The following NTN5 variants were observed in gnomAD, a reference collection of about 807,000 sequenced individuals.
NTN5 encodes the protein netrin 5, also known as netrin-5.
NTN5 carries 42 observed loss-of-function variants against 38.7 expected under a neutral mutation model. The ratio of observed to expected loss-of-function variants is 1.08; its 90% confidence interval spans 0.85 to 1.40. The LOEUF (loss-of-function observed/expected upper bound fraction) is 1.40. NTN5 is among the 40% of genes most tolerant of loss of function. NTN5 has a pLI of 0.00. For synonymous variants in NTN5, 329 were observed against 303.9 expected (o/e 1.08, Z -0.86); for missense variants, 658 against 716.5 (o/e 0.92, Z 0.93).
At chr19:48,667,280 C>T (rs965312174) in intron 2 of NTN5, 1 of 219,588 alleles carries the variant, frequency 4.6e-6, no homozygotes, top group African/African-American at 2.3e-5. Context: ...ATAGCTCTGC[C>T]ACAGGCATTA....
chr19:48,663,510 T>G lies in NTN5; in HGVS notation c.1058A>C (p.Asp353Ala). The G allele has an allele frequency of 6.2e-7, 1 of 1,614,192 alleles. No individual in the cohort carries two copies. The highest frequency in any genetic ancestry group is 1.3e-5 in the African/African-American group (1 of 75,056). Residue 353 changes from aspartate to alanine, a missense_variant, in exon 6 of 7, where the codon GAC (aspartate) becomes GCC (alanine). Transcript: ENST00000270235. The stretch of plus-strand genomic sequence containing the variant: ...CCGAAGGCTCATGTGTACCCTGGTG[T>G]CCGACATATTGCAGTAGTTTTGACA... Reference protein sequence around the residue: ...PQCQNYCNMSDTRVHMSLRRY... With the variant: ...PQCQNYCNMSATRVHMSLRRY...
At chr19:48,667,122 T>A (rs1488302793) in intron 2 of NTN5, among the ~76,000 whole-genome samples, 1 of 152,142 alleles carries the variant, frequency 6.6e-6, no homozygotes, top group Non-Finnish European at 1.5e-5. Flanking sequence ...TTTGTGGGCA[T>A]TCAAAGTGGC....
Position 48,664,709 on chromosome 19 carries a change from C to G in NTN5, c.690G>C (p.Leu230=). 1 of 1,603,070 alleles carries G rather than the reference C, an allele frequency of 6.2e-7. No homozygotes were observed. Among genetic ancestry groups the G allele is most frequent in the South Asian group, 1.1e-5 (1 of 89,586 alleles). The change falls in exon 3 of 7, where the codon CTG becomes CTC. Residue 230 remains leucine, a synonymous_variant. Coordinates refer to ENST00000270235, the MANE Select transcript of NTN5 (RefSeq NM_145807.4). ...AAACACCCCCACTCCGGCCGCCCGA[C>G]AGTCTGAACAGCTCAGAGTTGAACC... is the stretch of plus-strand genomic sequence containing the variant. ...RCRFNSELFR[L]SGGRSGGVCE...
In NTN5 at chr19:48,670,855, AG is replaced by A; in HGVS notation, c.131del (p.Pro44LeufsTer22). 1 of 1,611,984 alleles carries A rather than the reference AG, an allele frequency of 6.2e-7. No individual in the cohort carries two copies. Among genetic ancestry groups the A allele is most frequent in the Non-Finnish European group, 8.5e-7 (1 of 1,179,454 alleles). On this transcript the variant is annotated frameshift_variant, in exon 2 of 7. Coordinates refer to ENST00000270235, the MANE Select transcript of NTN5 (RefSeq NM_145807.4). LOFTEE classifies it high-confidence loss of function. ...TQLAAVAASCPQACALSPGNH... is the reference protein window; with the variant it reads ...TQLAAVAASCXQACALSPGNH... ...TTCCTGGGGACAGGGCACAGGCCTG[AG>A]GGCAGGAGGCCGCCACGGCAGCCAG... is the stretch of plus-strand genomic sequence containing the variant.
At chr19:48,669,733 T>TCACCACCACCAC (rs1754819235) in intron 2 of NTN5, among the ~76,000 whole-genome samples, 10 of 47,694 alleles carry the variant, frequency 2.1e-4, no homozygotes, top group African/African-American at 1.0e-3. Flanking sequence ...ACCACCACCA[T>TCACCACCACCAC]CACCATCACC....
At chr19:48,663,312 C>G (rs760306085) in intron 6 of NTN5, 151 bp downstream of exon 6, 6 of 770,228 alleles carry the variant, frequency 7.8e-6, no homozygotes, top group Non-Finnish European at 1.4e-5. Flanking sequence ...TTGTCTTCTG[C>G]CCCATCAATT....
chr19:48,663,799 G>A lies in NTN5; in HGVS notation c.986C>T (p.Thr329Ile). ...RMPCQRIPEATTTLATTPGAY... is the reference protein window; with the variant it reads ...RMPCQRIPEAITTLATTPGAY... Reference sequence around the variant, plus strand: ...ACCAGGAGTAGTGGCAAGGGTGGTTGTTGCCTCTGGAATTCCTGTGAGACC... The same window carrying A: ...ACCAGGAGTAGTGGCAAGGGTGGTTATTGCCTCTGGAATTCCTGTGAGACC... Residue 329 changes from threonine (T) to isoleucine (I), a missense_variant, in exon 5 of 7, where the codon ACA becomes ATA. Thr to Ile is a moderately conservative substitution (Grantham distance 89, BLOSUM62 -1). Transcript: ENST00000270235. 1.9e-6 allele frequency: 3 copies of A among 1,614,030 alleles called. No homozygotes were observed. The highest frequency in any genetic ancestry group is 2.5e-6 in the Non-Finnish European group (3 of 1,179,918).
In NTN5 at chr19:48,670,728, G is replaced by T. The variant is rs1480536786; in HGVS notation, c.259C>A (p.Pro87Thr). The change falls in exon 2 of 7, where the codon CCC (proline) becomes ACC (threonine). Residue 87 changes from proline to threonine, a missense_variant. Coordinates refer to ENST00000270235, the MANE Select transcript of NTN5 (RefSeq NM_145807.4). ...GCAGCAGACAGGATGAGGGCTGGGG[G>T]TCCTGGGGTACAGAAGCGCAAGCTG... ...SVSLRFCTPG[P>T]PALILSAAWA... is the part of the protein sequence containing the mutation. 2 of 1,612,736 alleles carry T rather than the reference G, an allele frequency of 1.2e-6. No homozygotes were observed. The highest frequency in any genetic ancestry group is 8.5e-7 in the Non-Finnish European group (1 of 1,179,876).
At chr19:48,670,004 AC>A (rs2031908865) in intron 2 of NTN5, among the ~76,000 whole-genome samples, 1 of 140,970 alleles carries the variant, frequency 7.1e-6, no homozygotes. Context: ...CATCACCATC[AC>A]CACCATCATC....
Position 48,664,190 on chromosome 19 carries a change from C to T in NTN5, c.923G>A (p.Cys308Tyr), listed in dbSNP as rs765266466. The change falls in exon 4 of 7, where the codon TGT becomes TAT. Residue 308 changes from cysteine to tyrosine, a missense_variant. Cys to Tyr is a radical substitution (Grantham distance 194). Coordinates refer to ENST00000270235, the MANE Select transcript of NTN5 (RefSeq NM_145807.4). ...LGVTGLTCNRCGPGYQQSRSP... is the reference protein window; with the variant it reads ...LGVTGLTCNRYGPGYQQSRSP... ...GCGGCTCTGCTGGTAGCCAGGGCCA[C>T]AGCGGTTGCAGGTCAGGCCTGTGAC... 1.9e-6 allele frequency: 3 copies of T among 1,609,868 alleles called. No individual in the cohort carries two copies. In the Admixed American group the frequency reaches 5.1e-5, roughly 27 times the overall value.
intron 2 of NTN5, among the ~76,000 whole-genome samples, chr19:48,668,264 C>T (rs564221405): frequency 6.6e-6 from 1 of 152,322 alleles, no homozygotes; most frequent in East Asian, 1.9e-4. Flanking sequence ...CTTTGAGCCT[C>T]ACCTTCCTCA....
At chr19:48,669,847 T>TCACCACC (rs1568452628) in intron 2 of NTN5, among the ~76,000 whole-genome samples, 1 of 16,740 alleles carries the variant, frequency 6.0e-5, no homozygotes, top group African/African-American at 2.5e-4. Flanking sequence ...TCACCACCAC[T>TCACCACC]ACCATCACCA....
In NTN5 at chr19:48,661,619, C is replaced by T; in HGVS notation, c.*58G>A. The T allele has an allele frequency of 1.4e-6, 2 of 1,438,064 alleles. No homozygotes were observed. The highest frequency in any genetic ancestry group is 2.9e-5 in the East Asian group (1 of 35,072). The allele number at this position is 1,438,064 out of a possible 1,614,324, so 89.1% of individuals were successfully genotyped here. A position where few individuals can be genotyped will look rare whatever the true frequency, so the allele number is the denominator to read the frequency against. Reference sequence around the variant, plus strand: ...CAGTGCACCGTCGAGGTAGAAGGCTCAGCTCCTAGTCGCTCCCAAATTACT... The same window carrying T: ...CAGTGCACCGTCGAGGTAGAAGGCTTAGCTCCTAGTCGCTCCCAAATTACT... On this transcript the variant is annotated 3_prime_UTR_variant, in exon 7 of 7. Coordinates refer to ENST00000270235, the MANE Select transcript of NTN5 (RefSeq NM_145807.4).
At chr19:48,663,624 T>C in intron 5 of NTN5, 81 bp from the exon 6 acceptor site, 2 of 1,530,354 alleles carry the variant, frequency 1.3e-6, no homozygotes, top group South Asian at 1.1e-5. Context: ...CTCCGTTCCA[T>C]CTTGATGGCC....
Position 48,670,596 on chromosome 19 carries a change from C to A in NTN5, c.391G>T (p.Ala131Ser). 1.3e-6 allele frequency: 2 copies of A among 1,586,756 alleles called. No homozygotes were observed. Among genetic ancestry groups the A allele is most frequent in the Non-Finnish European group, 1.7e-6 (2 of 1,167,120 alleles). Reference sequence around the variant, plus strand: ...CGGAGGTGGCTGGCCGCCACAGTGGCCTTAGGACCTGGTGTGGAGTGGAAG... The same window carrying A: ...CGGAGGTGGCTGGCCGCCACAGTGGACTTAGGACCTGGTGTGGAGTGGAAG... Reference protein sequence around the residue: ...VTFHSTPGPKATVAASHLRVE... With the variant: ...VTFHSTPGPKSTVAASHLRVE... Residue 131 changes from alanine to serine, a missense_variant, in exon 2 of 7, where the codon GCC becomes TCC. By Grantham distance (99) the Ala-to-Ser change is moderately conservative (BLOSUM62 1). Transcript: ENST00000270235.
Position 48,664,159 on chromosome 19 carries a change from G to A in NTN5, c.954C>T (p.Pro318=), listed in dbSNP as rs2031625898. 6.2e-7 allele frequency: 1 copy of A among 1,607,658 alleles called. No individual in the cohort carries two copies. The highest frequency in any genetic ancestry group is 1.1e-5 in the South Asian group (1 of 89,974). Residue 318 remains proline, a synonymous_variant, in exon 4 of 7, where the codon CCC becomes CCT. Transcript: ENST00000270235. The stretch of plus-strand genomic sequence containing the variant: ...AAGACTTACGCTGGCAGGGCATCCT[G>A]GGGGAGCGGCTCTGCTGGTAGCCAG... ...CGPGYQQSRS[P]RMPCQRIPEA...
In NTN5 at chr19:48,672,916, C is replaced by G. The variant is rs1201442634; in HGVS notation, c.-21+16G>C. 4 of 226,526 alleles carry G rather than the reference C, an allele frequency of 1.8e-5. No homozygotes were observed. The highest frequency in any genetic ancestry group is 1.4e-4 in the East Asian group (1 of 6,956). 14.0% of individuals were successfully genotyped at this position (226,526 alleles called of 1,614,324 possible). On this transcript the variant is annotated intron_variant, in intron 1 of 6. Transcript: ENST00000270235. ...ACCCCCCAACCCGAGCCCTGAGGCCCCGACATTGGCCAAACCTGCACTCAA... is the reference window on the plus strand; with the variant it reads ...ACCCCCCAACCCGAGCCCTGAGGCCGCGACATTGGCCAAACCTGCACTCAA...
intron 3 of NTN5, 42 bp from the exon 4 acceptor site, chr19:48,664,334 C>T: frequency 6.3e-7 from 1 of 1,591,966 alleles, no homozygotes; most frequent in Non-Finnish European, 8.6e-7. Flanking sequence ...TATCAGGGCC[C>T]CAGATGCCCC....
At chr19:48,666,259 G>C (rs1003755797) in intron 2 of NTN5, among the ~76,000 whole-genome samples, 1 of 152,190 alleles carries the variant, frequency 6.6e-6, no homozygotes, top group Admixed American at 6.5e-5. Context: ...CACAGCTCCC[G>C]TGAGGATTAT....
Sources: gnomAD v4.1 joint callset for allele counts (sites outside exome capture counted in the v4.1 genomes callset) on GRCh38, gnomAD v4.1.1 for gene constraint, MANE v1.5 for transcripts, NCBI Gene and HGNC (gene_info 2026-07-23, HGNC 2026-07-21) for gene names.